Variants in ATXN7L1 observed in about 807,000 individuals in gnomAD.
ATXN7L1 encodes the protein ataxin 7 like 1.
ATXN7L1 carries 15 observed loss-of-function variants against 70.8 expected under a neutral mutation model. That is an observed-to-expected ratio of 0.21 (90% CI 0.14 to 0.33). The LOEUF (loss-of-function observed/expected upper bound fraction) is 0.33. Among genes scored for constraint, ATXN7L1 ranks in the 10% least tolerant of loss-of-function variants. ATXN7L1 has a pLI of 1.00. For synonymous variants in ATXN7L1, 440 were observed against 445.1 expected (o/e 0.99, Z 0.14); for missense variants, 975 against 1,097.1 (o/e 0.89, Z 1.57).
At chr7:105,738,408 G>T (rs1348258453) in intron 3 of ATXN7L1, among the ~76,000 whole-genome samples, 1 of 152,166 alleles carries the variant, frequency 6.6e-6, no homozygotes, top group Non-Finnish European at 1.5e-5. Context: ...ATACTTCAAG[G>T]TCTAGCACAA....
At chr7:105,856,796 T>G (rs879270557) in intron 2 of ATXN7L1, among the ~76,000 whole-genome samples, 12 of 151,698 alleles carry the variant, frequency 7.9e-5, no homozygotes, top group Non-Finnish European at 1.5e-4. Context: ...CCAAAAAGTG[T>G]GTGTGTATGT....
At position 105,657,733 on chromosome 7, in the gene ATXN7L1, A is replaced by G. The variant is rs1295269647; in HGVS notation, c.578+7333T>C. 2.1e-4 allele frequency among the ~76,000 whole-genome samples: 30 copies of G among 142,096 alleles called. No individual in the cohort carries two copies. The Admixed American group carries it at 2.1e-3, about 10-fold the overall frequency. 93.2% of individuals were successfully genotyped at this position (142,096 alleles called of 152,430 possible). A position where few individuals can be genotyped will look rare whatever the true frequency, so the allele number is the denominator to read the frequency against. On this transcript the variant is annotated intron_variant, in intron 4 of 11. Coordinates refer to ENST00000419735, the MANE Select transcript of ATXN7L1 (RefSeq NM_020725.2). Reference sequence around the variant, plus strand: ...AAAAAAAAAAAAAAAAAAAAAAAAGATAAGAAAAAAAGTGGCTACTGTGGC... The same window carrying G: ...AAAAAAAAAAAAAAAAAAAAAAAAGGTAAGAAAAAAAGTGGCTACTGTGGC...
chr7:105,617,260 G>A (rs1307169312), intron 9 of ATXN7L1, among the ~76,000 whole-genome samples: 1 of 152,094 alleles, frequency 6.6e-6, no homozygotes, highest in Non-Finnish European at 1.5e-5. Flanking sequence ...TCCTAACATC[G>A]TGATCTGCCT....
At chr7:105,772,063 A>ATTTTTTTTTTTTTT (rs533366742) in intron 3 of ATXN7L1, among the ~76,000 whole-genome samples, 1 of 99,788 alleles carries the variant, frequency 1.0e-5, no homozygotes, top group Non-Finnish European at 1.9e-5. Flanking sequence ...TCAGATTGGA[A>ATTTTTTTTTTTTTT]TTTTTTTTTT....
intron 4 of ATXN7L1, among the ~76,000 whole-genome samples, chr7:105,663,553 T>C (rs1452124547): frequency 6.6e-6 from 1 of 152,206 alleles, no homozygotes; most frequent in Non-Finnish European, 1.5e-5. Context: ...TCCACACTTA[T>C]CCCTTCTCTG....
rs118133127 is a variant in ATXN7L1, at chr7:105,869,413, G to A, written c.250+6399C>T. Reference sequence around the variant, plus strand: ...CTATAATGATAAAGGGAAGCTGTTCGCAGTTTCCCATAAATCTCCATGGCC... The same window carrying A: ...CTATAATGATAAAGGGAAGCTGTTCACAGTTTCCCATAAATCTCCATGGCC... On this transcript the variant is annotated intron_variant, in intron 2 of 11. Transcript: ENST00000419735. Among the ~76,000 whole-genome samples, 52 of 152,246 alleles carry A rather than the reference G, an allele frequency of 3.4e-4. No individual in the cohort carries two copies. In the East Asian group the frequency reaches 7.5e-3, roughly 22 times the overall value.
chr7:105,773,473 T>C (rs1802293237), intron 3 of ATXN7L1, among the ~76,000 whole-genome samples: 1 of 152,150 alleles, frequency 6.6e-6, no homozygotes, highest in Admixed American at 6.5e-5. Flanking sequence ...TGCTATTTAA[T>C]GGCTGTGGCA....
intron 2 of ATXN7L1, among the ~76,000 whole-genome samples, chr7:105,832,476 C>T (rs181512023): frequency 7.2e-5 from 11 of 152,278 alleles, no homozygotes; most frequent in Non-Finnish European, 1.3e-4. Context: ...TGACAGGTGA[C>T]GCCCCAGACC....
At chr7:105,759,364 C>CT (rs766934272) in intron 3 of ATXN7L1, among the ~76,000 whole-genome samples, 2 of 151,574 alleles carry the variant, frequency 1.3e-5, no homozygotes, top group Non-Finnish European at 2.9e-5. Flanking sequence ...AACAGACCAG[C>CT]TTGATCAGGG....
At chr7:105,833,806 A>AG (rs1401649544) in intron 2 of ATXN7L1, among the ~76,000 whole-genome samples, 1 of 152,224 alleles carries the variant, frequency 6.6e-6, no homozygotes, top group African/African-American at 2.4e-5. Flanking sequence ...GCATTATTGG[A>AG]TGAAGAAGAG....
At chr7:105,727,551 A>C (rs535846402) in intron 3 of ATXN7L1, among the ~76,000 whole-genome samples, 3 of 150,388 alleles carry the variant, frequency 2.0e-5, no homozygotes, top group Admixed American at 6.7e-5. Context: ...TGCCTGTAAT[A>C]CCAGCTACTT....
intron 3 of ATXN7L1, among the ~76,000 whole-genome samples, chr7:105,689,793 T>C (rs953514767): frequency 6.6e-6 from 1 of 152,124 alleles, no homozygotes; most frequent in Admixed American, 6.5e-5. Context: ...GTCCGATGGA[T>C]CATGTCCGAG....
chr7:105,747,937 T>C (rs570191949), intron 3 of ATXN7L1, among the ~76,000 whole-genome samples: 5 of 152,112 alleles, frequency 3.3e-5, no homozygotes, highest in African/African-American at 7.2e-5. Context: ...CTGACCAACA[T>C]AGAGAAACTC....
intron 2 of ATXN7L1, among the ~76,000 whole-genome samples, chr7:105,875,508 G>A (rs1818988486): frequency 6.6e-6 from 1 of 151,636 alleles, no homozygotes; most frequent in Non-Finnish European, 1.5e-5. Flanking sequence ...AAATTTTAAC[G>A]CCCCACCATT....
intron 3 of ATXN7L1, among the ~76,000 whole-genome samples, chr7:105,732,338 G>A (rs945803078): frequency 1.3e-5 from 2 of 152,116 alleles, no homozygotes; most frequent in East Asian, 3.9e-4. Context: ...GCTTGAACCT[G>A]GGAGAAAGAG....
At chr7:105,795,905 C>T (rs991889243) in intron 2 of ATXN7L1, among the ~76,000 whole-genome samples, 12 of 152,156 alleles carry the variant, frequency 7.9e-5, no homozygotes, top group East Asian at 3.8e-4. Flanking sequence ...AGATGGCATA[C>T]GCTATAATGC....
chr7:105,722,603 G>T (rs1196195300), intron 3 of ATXN7L1, among the ~76,000 whole-genome samples: 2 of 125,226 alleles, frequency 1.6e-5, no homozygotes, highest in Admixed American at 8.4e-5. Context: ...AAAAAAGGTT[G>T]GGCTGTGGCT....
chr7:105,750,393 AGTTTCTT>A (rs1799064924), intron 3 of ATXN7L1, among the ~76,000 whole-genome samples: 2 of 151,310 alleles, frequency 1.3e-5, no homozygotes, highest in East Asian at 3.9e-4. Flanking sequence ...CTCCTGCCTC[AGTTTCTT>A]GAGTAGCTAG....
At chr7:105,632,921 TAAAAAAAAAAAAA>T (rs11417434) in intron 7 of ATXN7L1, among the ~76,000 whole-genome samples, 3 of 60,060 alleles carry the variant, frequency 5.0e-5, no homozygotes, top group South Asian at 1.0e-3. Context: ...ATCTTGTCTT[TAAAAAAAAAAAAA>T]AAAAAAAAAA....
Sources: gnomAD v4.1 joint callset for allele counts (sites outside exome capture counted in the v4.1 genomes callset) on GRCh38, gnomAD v4.1.1 for gene constraint, MANE v1.5 for transcripts, NCBI Gene and HGNC (gene_info 2026-07-23, HGNC 2026-07-21) for gene names.